CIITA: variants seen among roughly 807,000 people sequenced by gnomAD.
CIITA encodes the protein class II major histocompatibility complex transactivator.
In CIITA, 72 loss-of-function variants were observed where a neutral mutation model predicts 115.1. That is an observed-to-expected ratio of 0.63 (90% CI 0.52 to 0.76). The LOEUF is 0.76. Among genes scored for constraint, CIITA ranks in the 30% least tolerant of loss-of-function variants. CIITA has a pLI of 0.00. For missense variants in CIITA, 1,617 were observed against 1,463.8 expected, an observed-to-expected ratio of 1.10 and a Z score of -1.71; for synonymous variants, 763 against 635.6, an observed-to-expected ratio of 1.20 and a Z score of -3.02.
chr16:10,877,921 G>A (rs1027600711), intron 1 of CIITA, among the ~76,000 whole-genome samples: 1 of 152,158 alleles, frequency 6.6e-6, no homozygotes, highest in Non-Finnish European at 1.5e-5. Flanking sequence ...ACAGATGGTG[G>A]GAAGAGCACA....
chr16:10,902,228 G>T (rs756753347), intron 7 of CIITA, 44 bp downstream of exon 7: 2 of 1,612,464 alleles, frequency 1.2e-6, no homozygotes, highest in African/African-American at 2.7e-5. Flanking sequence ...TCCCTCTTGG[G>T]AGGTGGATAA....
At position 10,901,901 on chromosome 16, in the gene CIITA, C is replaced by A; in HGVS notation, c.482-137C>A. On this transcript the variant is annotated intron_variant, in intron 6 of 19. Transcript: ENST00000324288. The surrounding 1 kb of genome is among the most constrained non-coding windows in gnomAD (Gnocchi z 6.8). ...CTGGCACAGAGCAGTTGCTGATCAACACAGCTGCAGCCAGGGCTGAGAAGA... is the reference window on the plus strand; with the variant it reads ...CTGGCACAGAGCAGTTGCTGATCAAAACAGCTGCAGCCAGGGCTGAGAAGA... 7.8e-7 allele frequency: 1 copy of A among 1,278,748 alleles called. No individual in the cohort carries two copies. Among genetic ancestry groups the A allele is most frequent in the Non-Finnish European group, 1.1e-6 (1 of 895,396 alleles). 79.2% of individuals were successfully genotyped at this position (1,278,748 alleles called of 1,614,324 possible).
chr16:10,894,830 T>C (rs188339890), intron 1 of CIITA, among the ~76,000 whole-genome samples: 58 of 152,340 alleles, frequency 3.8e-4, no homozygotes, highest in African/African-American at 1.3e-3. Context: ...CTTACATAAA[T>C]CACTTCACCT....
rs754706834 is a variant in CIITA, at chr16:10,923,267, C to T, written c.3357C>T (p.His1119=). 31 of 1,613,682 alleles carry T rather than the reference C, an allele frequency of 1.9e-5. No homozygotes were observed. The highest frequency in any genetic ancestry group is 2.5e-5 in the Non-Finnish European group (30 of 1,180,044). Residue 1119 remains histidine, a synonymous_variant, in exon 19 of 20, where the codon CAC becomes CAT. Coordinates refer to ENST00000324288, the MANE Select transcript of CIITA (RefSeq NM_000246.4). The surrounding 1 kb of genome is among the most constrained non-coding windows in gnomAD (Gnocchi z 5.2). ...CCATCCCATTCAGTGTCCAGGAACACCTGCAACAACAGGATTCACGGATCA... is the reference window on the plus strand; with the variant it reads ...CCATCCCATTCAGTGTCCAGGAACATCTGCAACAACAGGATTCACGGATCA... ...TPTIPFSVQE[H]LQQQDSRISL...
rs1567449161 is a variant in CIITA at position 10,922,147 on chromosome 16, CT to C, written c.3150-19del. 9.9e-6 allele frequency: 16 copies of C among 1,612,198 alleles called. No individual in the cohort carries two copies. Among genetic ancestry groups the C allele is most frequent in the South Asian group, 8.8e-5 (8 of 91,050 alleles). ...ATGCACAGGCCTCCAATCCCTCCCC[CT>C]GGCCTCTGTTTCCGACAGCTTGTAC... On this transcript the variant is annotated intron_variant, in intron 16 of 19. Transcript: ENST00000324288.
In CIITA at chr16:10,907,840, A is replaced by T. The variant is rs771514619; in HGVS notation, c.2348A>T (p.Asp783Val). Residue 783 changes from aspartate (D) to valine (V), a missense_variant, in exon 11 of 20, where the codon GAC (aspartate) becomes GTC (valine). Transcript: ENST00000324288. This position sits in a 1 kb window ranked among gnomAD's most constrained non-coding sequence, Gnocchi z 5.0. ...LLGPSAAASV[D>V]RKQKVLARYL... ...GGGCCATCGGCGGCTGCCTCGGTGG[A>T]CAGGAAGCAGAAGGTGCTTGCGAGG... is the stretch of plus-strand genomic sequence containing the variant. 2 of 1,613,332 alleles carry T rather than the reference A, an allele frequency of 1.2e-6. No individual in the cohort carries two copies. The highest frequency in any genetic ancestry group is 2.7e-5 in the African/African-American group (2 of 74,898).
At chr16:10,911,417 T>G (rs375394238) in intron 13 of CIITA, among the ~76,000 whole-genome samples, 2 of 148,160 alleles carry the variant, frequency 1.3e-5, no homozygotes, top group East Asian at 4.0e-4. Context: ...CCTCCCTATC[T>G]CTCTCTTTCT....
intron 12 of CIITA, among the ~76,000 whole-genome samples, chr16:10,909,745 T>C (rs184864922): frequency 3.9e-5 from 6 of 152,306 alleles, no homozygotes; most frequent in Admixed American, 2.0e-4. Flanking sequence ...ATTTTTATTA[T>C]TTCTTAAAGA....
At position 10,906,992 on chromosome 16, in the gene CIITA, C is replaced by A. The variant is rs1282745292; in HGVS notation, c.1500C>A (p.Gly500=). The change falls in exon 11 of 20, where the codon GGC becomes GGA. Residue 500 remains glycine (G), a synonymous_variant. Coordinates refer to ENST00000324288, the MANE Select transcript of CIITA (RefSeq NM_000246.4). ...ACCGCGTTCTGCTCATCCTAGACGG[C>A]TTCGAGGAGCTGGAAGCGCAAGATG... is the stretch of plus-strand genomic sequence containing the variant. ...RPDRVLLILD[G]FEELEAQDGF... 6.2e-7 allele frequency: 1 copy of A among 1,610,704 alleles called. No homozygotes were observed. The highest frequency in any genetic ancestry group is 8.5e-7 in the Non-Finnish European group (1 of 1,179,904).
Position 10,902,618 on chromosome 16 carries a change from G to A in CIITA, c.629-40G>A, listed in dbSNP as rs372545934. Reference sequence around the variant, plus strand: ...CAAAAGCAGAATCGCAAACACAGGTGCTATGCAAGATCCCACCTCACTGCC... The same window carrying A: ...CAAAAGCAGAATCGCAAACACAGGTACTATGCAAGATCCCACCTCACTGCC... On this transcript the variant is annotated intron_variant, in intron 7 of 19. Coordinates refer to ENST00000324288, the MANE Select transcript of CIITA (RefSeq NM_000246.4). 8 of 1,613,674 alleles carry A rather than the reference G, an allele frequency of 5.0e-6. No homozygotes were observed. In the African/African-American group the frequency reaches 9.3e-5, roughly 19 times the overall value.
intron 15 of CIITA, chr16:10,916,706 A>G: frequency 1.9e-6 from 1 of 537,800 alleles, no homozygotes; most frequent in South Asian, 2.0e-5. Context: ...GGATTCATCC[A>G]TTCACTCATT....
intron 5 of CIITA, among the ~76,000 whole-genome samples, chr16:10,900,536 T>C (rs1156734284): frequency 6.6e-6 from 1 of 152,052 alleles, no homozygotes; most frequent in African/African-American, 2.4e-5. Context: ...GGTCAAGAGT[T>C]TGAGACCAGC....
chr16:10,903,755 T>C lies in CIITA; in HGVS notation c.797T>C (p.Val266Ala). Residue 266 changes from valine to alanine, a missense_variant, in exon 9 of 20, where the codon GTA (valine) becomes GCA (alanine). Physicochemically the swap from Val to Ala is moderately conservative, Grantham distance 64. Coordinates refer to ENST00000324288, the MANE Select transcript of CIITA (RefSeq NM_000246.4). The part of the protein sequence containing the change: ...YHGEVPQASQ[V>A]PPPSGFTVHG... Reference sequence around the variant, plus strand: ...GGTGAGGTGCCCCAGGCCAGCCAAGTACCCCCTCCCAGTGGATTCACTGTC... The same window carrying C: ...GGTGAGGTGCCCCAGGCCAGCCAAGCACCCCCTCCCAGTGGATTCACTGTC... 6.2e-7 allele frequency: 1 copy of C among 1,614,156 alleles called. No homozygotes were observed. Among genetic ancestry groups the C allele is most frequent in the Non-Finnish European group, 8.5e-7 (1 of 1,180,010 alleles).
upstream of CIITA, among the ~76,000 whole-genome samples, chr16:10,874,151 T>C (rs188980454): frequency 1.5e-3 from 225 of 152,078 alleles, 1 homozygote; most frequent in South Asian, 6.2e-4. Flanking sequence ...ACCTGGATAA[T>C]TTTTCTATTT....
At chr16:10,876,207 G>T (rs2035831580), upstream of CIITA, among the ~76,000 whole-genome samples, 1 of 151,880 alleles carries the variant, frequency 6.6e-6, no homozygotes, top group African/African-American at 2.4e-5. Flanking sequence ...TAGACATAGG[G>T]TGTCACTATG....
intron 1 of CIITA, among the ~76,000 whole-genome samples, chr16:10,887,290 G>A (rs541808454): frequency 4.3e-4 from 66 of 152,190 alleles, no homozygotes; most frequent in Admixed American, 3.9e-3. Context: ...GCCAGGCAAC[G>A]AGGAATCAGA....
In CIITA at chr16:10,927,316, G is replaced by A. The variant is rs562489489; in HGVS notation, c.*3461G>A. 6.6e-6 allele frequency: 1 copy of A among 152,190 alleles called. No individual in the cohort carries two copies. Among genetic ancestry groups the A allele is most frequent in the South Asian group, 2.1e-4 (1 of 4,832 alleles). The allele number at this position is 152,190 out of a possible 1,614,324, so 9.4% of individuals were successfully genotyped here. A position where few individuals can be genotyped will look rare whatever the true frequency, so the allele number is the denominator to read the frequency against. The stretch of plus-strand genomic sequence containing the variant: ...TCTTTTTCACTTATTTATGCAGTCT[G>A]CTCTTGTCCTAGGACATGAGCTCCA... On this transcript the variant is annotated 3_prime_UTR_variant, in exon 20 of 20. Coordinates refer to ENST00000324288, the MANE Select transcript of CIITA (RefSeq NM_000246.4).
intron 12 of CIITA, 123 bp from the exon 13 acceptor site, chr16:10,910,065 T>C (rs1301996687): frequency 2.6e-6 from 2 of 772,540 alleles, no homozygotes; most frequent in African/African-American, 3.4e-5. Context: ...GGGACAACAG[T>C]TGCCCCAAGG....
At chr16:10,914,685 G>A (rs914444778) in intron 13 of CIITA, among the ~76,000 whole-genome samples, 2 of 152,170 alleles carry the variant, frequency 1.3e-5, no homozygotes, top group East Asian at 3.8e-4. Flanking sequence ...GTGACCCTGT[G>A]TGAGCTATTT....
Sources: allele counts gnomAD v4.1 joint callset (sites outside exome capture counted in the v4.1 genomes callset), GRCh38; gene constraint gnomAD v4.1.1; non-coding constraint Gnocchi (gnomAD v3.1); transcripts MANE v1.5; gene names NCBI Gene and HGNC (gene_info 2026-07-23, HGNC 2026-07-21).